Variants in UTRN observed in about 807,000 individuals in gnomAD.
UTRN encodes dystrophin-related protein 1.
UTRN carries 283 observed loss-of-function variants against 463.9 expected under a neutral mutation model. The ratio of observed to expected loss-of-function variants is 0.61; its 90% CI spans 0.55 to 0.67. UTRN has a LOEUF of 0.67. UTRN is among the 30% of genes least tolerant of loss of function. The probability of loss-of-function intolerance (pLI) is 0.00; values close to 1 mark genes in which losing one functional copy is unlikely to be tolerated. For synonymous variants in UTRN, 1,442 were observed against 1,431.5 expected (o/e 1.01, Z -0.17); for missense variants, 3,922 against 4,084.3 (o/e 0.96, Z 1.08).
chr6:144,612,285 G>A (rs1050504700), intron 51 of UTRN, among the ~76,000 whole-genome samples: 1 of 151,944 alleles, frequency 6.6e-6, no homozygotes, highest in African/African-American at 2.4e-5. Flanking sequence ...AAGAAAACAT[G>A]GGGAAAAAGT....
intron 2 of UTRN, among the ~76,000 whole-genome samples, chr6:144,293,398 T>G (rs1374521130): frequency 6.6e-6 from 1 of 152,148 alleles, no homozygotes; most frequent in Non-Finnish European, 1.5e-5. Context: ...ATAATGAACA[T>G]ATAAACTCCC....
At chr6:144,506,251 C>T (rs1183790944) in intron 34 of UTRN, among the ~76,000 whole-genome samples, 1 of 151,976 alleles carries the variant, frequency 6.6e-6, no homozygotes, top group African/African-American at 2.4e-5. Flanking sequence ...GAGCATTTAG[C>T]CCATTTACAT....
chr6:144,309,016 C>A (rs931269022), intron 2 of UTRN, among the ~76,000 whole-genome samples: 5 of 152,172 alleles, frequency 3.3e-5, no homozygotes, highest in Admixed American at 3.3e-4. Context: ...TTATTAGGGA[C>A]CTCCTTGTTG....
intron 60 of UTRN, among the ~76,000 whole-genome samples, chr6:144,779,811 T>G (rs904847334): frequency 7.9e-5 from 12 of 152,188 alleles, no homozygotes; most frequent in Non-Finnish European, 1.6e-4. Flanking sequence ...AGTTTTTTTC[T>G]GACACCTTCT....
rs1435272291 is a variant in UTRN, at chr6:144,827,247, G to A, written c.9495-101G>A. ...TCTCAGGGCAACCACATATATGAGC[G>A]GAAGATAATTGAGAATCTCCCCACA... On this transcript the variant is annotated intron_variant, in intron 66 of 74. Coordinates refer to ENST00000367545, the MANE Select transcript of UTRN (RefSeq NM_007124.3). The A allele has an allele frequency of 6.6e-5, 91 of 1,388,726 alleles. No homozygotes were observed. The Middle Eastern group carries it at 1.2e-3, about 19-fold the overall frequency. 86.0% of individuals were successfully genotyped at this position (1,388,726 alleles called of 1,614,324 possible). A position where few individuals can be genotyped will look rare whatever the true frequency, so the allele number is the denominator to read the frequency against.
In UTRN at chr6:144,399,758, T is replaced by A. The variant is rs963853515; in HGVS notation, c.80-3365T>A. Among the ~76,000 whole-genome samples, 6 of 152,338 alleles carry A rather than the reference T, an allele frequency of 3.9e-5. No individual in the cohort carries two copies. The East Asian group carries it at 9.6e-4, about 24-fold the overall frequency. ...CCAGTTTAGGATTTAAATTGATATA[T>A]GTTGCTACGTTCTGCTAAAACAATT... On this transcript the variant is annotated intron_variant, in intron 2 of 74. Transcript: ENST00000367545.
chr6:144,723,857 A>G (rs1787496599), intron 53 of UTRN, among the ~76,000 whole-genome samples: 1 of 151,972 alleles, frequency 6.6e-6, no homozygotes, highest in Middle Eastern at 3.4e-3. Flanking sequence ...ATGTAAAAAA[A>G]AAATTGGCCA....
chr6:144,451,822 T>C (rs1788346127), intron 18 of UTRN, among the ~76,000 whole-genome samples: 1 of 152,232 alleles, frequency 6.6e-6, no homozygotes, highest in African/African-American at 2.4e-5. Context: ...TATGACTCTA[T>C]ATTAACATTA....
chr6:144,626,052 G>C (rs1484795971), intron 51 of UTRN, among the ~76,000 whole-genome samples: 1 of 152,180 alleles, frequency 6.6e-6, no homozygotes, highest in Non-Finnish European at 1.5e-5. Flanking sequence ...ACAGTGACCA[G>C]TAGTTTATTT....
intron 51 of UTRN, among the ~76,000 whole-genome samples, chr6:144,621,918 GTCC>G (rs1175220456): frequency 6.6e-6 from 1 of 151,060 alleles, no homozygotes; most frequent in African/African-American, 2.4e-5. Flanking sequence ...CTTCCTCCTT[GTCC>G]TCCTTTTTCT....
chr6:144,459,190 T>G lies in UTRN; in HGVS notation c.2543T>G (p.Leu848Arg). ...CTTCCTTAGCGGGAATTGACAAATC[T>G]TCTTGGCCTTCACCCCAAAATTGAA... is the stretch of plus-strand genomic sequence containing the variant. The part of the protein sequence containing the change: ...KDSCQRELTN[L>R]LGLHPKIEMA... Residue 848 changes from leucine to arginine, a missense_variant, in exon 21 of 75, where the codon CTT becomes CGT. By Grantham distance (102) the Leu-to-Arg change is moderately radical. This residue lies in a region of UTRN where 2,349 missense variants were observed against 2,303.8 expected (regional missense o/e 1.02). Coordinates refer to ENST00000367545, the MANE Select transcript of UTRN (RefSeq NM_007124.3). 3 of 1,611,964 alleles carry G rather than the reference T, an allele frequency of 1.9e-6. No homozygotes were observed. The highest frequency in any genetic ancestry group is 2.5e-6 in the Non-Finnish European group (3 of 1,179,324).
At position 144,709,389 on chromosome 6, in the gene UTRN, T is replaced by C. The variant is rs757434177; in HGVS notation, c.7809+9146T>C. Among the ~76,000 whole-genome samples, 65 of 152,198 alleles carry C rather than the reference T, an allele frequency of 4.3e-4. 1 individual carries two copies. The highest frequency in any genetic ancestry group is 3.7e-4 in the Non-Finnish European group (25 of 68,032). On this transcript the variant is annotated intron_variant, in intron 53 of 74. Transcript: ENST00000367545. ...TAGTATTTTTTCTGATCTCCTACTT[T>C]TTAGGTCTTTTCCTTTTTGTAATAA...
intron 3 of UTRN, among the ~76,000 whole-genome samples, chr6:144,413,050 C>G (rs1269943649): frequency 6.6e-6 from 1 of 152,126 alleles, no homozygotes; most frequent in African/African-American, 2.4e-5. Context: ...TGTCTCCCTG[C>G]TGTATCTGTT....
chr6:144,582,676 A>G (rs929507526), intron 51 of UTRN, among the ~76,000 whole-genome samples: 2 of 152,216 alleles, frequency 1.3e-5, no homozygotes, highest in Non-Finnish European at 2.9e-5. Flanking sequence ...TAGCTGTTTA[A>G]TTAGACAAAT....
chr6:144,627,900 A>G (rs889731242), intron 51 of UTRN, among the ~76,000 whole-genome samples: 1 of 150,734 alleles, frequency 6.6e-6, no homozygotes, highest in African/African-American at 2.4e-5. Flanking sequence ...CCCGGGTTCA[A>G]GCGATTCTCC....
intron 51 of UTRN, among the ~76,000 whole-genome samples, chr6:144,607,365 G>A (rs1475456468): frequency 6.6e-6 from 1 of 152,080 alleles, no homozygotes; most frequent in Non-Finnish European, 1.5e-5. Flanking sequence ...TATTTTTAAG[G>A]CTATGGGAAG....
chr6:144,499,199 C>T, intron 33 of UTRN, 58 bp from the exon 34 acceptor site: 1 of 1,526,684 alleles, frequency 6.6e-7, no homozygotes, highest in South Asian at 1.2e-5. Flanking sequence ...CTGATTCATT[C>T]TCATTTATGT....
intron 2 of UTRN, among the ~76,000 whole-genome samples, chr6:144,333,815 T>C (rs569680270): frequency 2.6e-5 from 4 of 152,368 alleles, no homozygotes; most frequent in East Asian, 3.9e-4. Context: ...TATACTAGTG[T>C]AGATTTTGGT....
At chr6:144,487,723 T>C (rs781212808) in intron 29 of UTRN, 26 bp downstream of exon 29, 5 of 1,572,848 alleles carry the variant, frequency 3.2e-6, no homozygotes, top group Non-Finnish European at 4.3e-6. Flanking sequence ...TACATGGGTG[T>C]TGATTAGGTA....
Sources: allele counts gnomAD v4.1 joint callset (sites outside exome capture counted in the v4.1 genomes callset), GRCh38; gene constraint gnomAD v4.1.1; regional missense constraint gnomAD v4.1.1; transcripts MANE v1.5; gene names NCBI Gene and HGNC (gene_info 2026-07-23, HGNC 2026-07-21).